Variants in FAAH2 observed in about 807,000 individuals in gnomAD.
The protein encoded by FAAH2 is fatty-acid amide hydrolase 2.
FAAH2 carries 60 observed loss-of-function variants against 36.9 expected under a neutral mutation model. The ratio of observed to expected loss-of-function variants is 1.63; its 90% CI spans 1.32 to 2.02. The LOEUF is 2.02. FAAH2 is among the 30% of genes most tolerant of loss of function. The pLI, the probability that FAAH2 is intolerant of heterozygous loss-of-function variation, is 0.00. For synonymous variants in FAAH2, 214 were observed against 143.8 expected (o/e 1.49, Z -3.49); for missense variants, 689 against 397.5 (o/e 1.73, Z -6.23).
the FAAH2 span, among the ~76,000 whole-genome samples, chrX:57,233,403 A>G: frequency 1.8e-5 from 2 of 111,849 alleles, no homozygotes; most frequent in East Asian, 5.6e-4. Context: ...TGAAAAACTG[A>G]ATTTATAGCT....
chrX:57,336,963 C>A (rs1275327074), intron 4 of FAAH2, among the ~76,000 whole-genome samples: 1 of 4,252 alleles, frequency 2.4e-4, no homozygotes, highest in Non-Finnish European at 6.3e-4. Context: ...AGGAGCTATT[C>A]TTTTGAAAAA....
At chrX:57,365,378 T>C (rs1377993377) in intron 5 of FAAH2, among the ~76,000 whole-genome samples, 1 of 112,210 alleles carries the variant, frequency 8.9e-6, no homozygotes, top group Non-Finnish European at 1.9e-5. Flanking sequence ...ATGCTGATTA[T>C]AGGCCTCCAC....
At chrX:57,135,515 A>G in the FAAH2 span, 9 of 342,887 alleles carry the variant, frequency 2.6e-5, no homozygotes, top group South Asian at 3.7e-4. Context: ...ATCCAGTGCC[A>G]TTTTTAAATG....
At chrX:57,424,907 C>T (rs754187691) in intron 7 of FAAH2, among the ~76,000 whole-genome samples, 7 of 110,450 alleles carry the variant, frequency 6.3e-5, no homozygotes, top group South Asian at 3.8e-4. Flanking sequence ...TGAAATACCA[C>T]GTAAAGAATT....
chrX:57,483,394 C>A (rs776581449), intron 10 of FAAH2, among the ~76,000 whole-genome samples: 1 of 110,319 alleles, frequency 9.1e-6, no homozygotes, highest in East Asian at 2.9e-4. Context: ...ATATATTTAT[C>A]TCTTCCTTCA....
chrX:57,249,475 C>T, the FAAH2 span, among the ~76,000 whole-genome samples: 1 of 112,007 alleles, frequency 8.9e-6, no homozygotes, highest in East Asian at 2.8e-4. Context: ...GGCCCCAGAC[C>T]CTAGTTAAAG....
At chrX:57,286,649 A>T, upstream of FAAH2, 2 of 403,092 alleles carry the variant, frequency 5.0e-6, no homozygotes, top group Non-Finnish European at 7.9e-6. Context: ...CTCCGCCCCC[A>T]TCTCTGGCTA....
intron 5 of FAAH2, among the ~76,000 whole-genome samples, chrX:57,356,764 T>G (rs900792538): frequency 1.8e-5 from 2 of 110,771 alleles, no homozygotes; most frequent in African/African-American, 6.5e-5. Context: ...TATTTATCAC[T>G]GCTTTAATTT....
the FAAH2 span, among the ~76,000 whole-genome samples, chrX:57,129,122 A>G: frequency 9.8e-5 from 11 of 111,981 alleles, no homozygotes; most frequent in Non-Finnish European, 1.7e-4. Flanking sequence ...TATAGTGAAA[A>G]CAGAGACCAT....
intron 5 of FAAH2, among the ~76,000 whole-genome samples, chrX:57,358,016 A>C (rs2054200738): frequency 9.0e-6 from 1 of 111,043 alleles, no homozygotes; most frequent in Non-Finnish European, 1.9e-5. Context: ...TAAAAAAAGG[A>C]TACGTTTATG....
At chrX:57,242,134 G>A in the FAAH2 span, among the ~76,000 whole-genome samples, 14 of 112,586 alleles carry the variant, frequency 1.2e-4, no homozygotes, top group East Asian at 4.0e-3. Context: ...CCTTAAGTGG[G>A]TCCCTGACCC....
intron 7 of FAAH2, chrX:57,393,156 C>T: frequency 8.9e-7 from 1 of 1,118,440 alleles, no homozygotes; most frequent in Non-Finnish European, 1.2e-6. Flanking sequence ...AGCTCAGTCT[C>T]TGTATCTGTC....
intron 7 of FAAH2, chrX:57,394,938 C>T: frequency 1.6e-6 from 1 of 618,658 alleles, no homozygotes; most frequent in Non-Finnish European, 2.8e-6. Flanking sequence ...GCAATCTGCA[C>T]CCCTGTCTCT....
the FAAH2 span, among the ~76,000 whole-genome samples, chrX:57,253,545 A>T: frequency 8.9e-6 from 1 of 112,027 alleles, no homozygotes; most frequent in Admixed American, 9.5e-5. Flanking sequence ...CGCAAAAGGA[A>T]GCCCATCAAA....
chrX:57,364,590 T>C (rs928405004), intron 5 of FAAH2, among the ~76,000 whole-genome samples: 4 of 109,514 alleles, frequency 3.7e-5, no homozygotes, highest in Non-Finnish European at 7.6e-5. Context: ...TATTTCTTTT[T>C]AAATAGTAAC....
chrX:57,209,232 T>C, the FAAH2 span, among the ~76,000 whole-genome samples: 2,872 of 111,752 alleles, frequency 0.026, 84 homozygotes, highest in African/African-American at 0.089. Context: ...CTTCCACTTT[T>C]ATCAAGGGGA....
rs1341148622 is a variant in FAAH2 at position 57,488,643 on chromosome X, G to A, written c.1424-114G>A. 10 of 729,885 alleles carry A rather than the reference G, an allele frequency of 1.4e-5. No homozygotes were observed. The East Asian group carries it at 2.1e-4, about 16-fold the overall frequency. 60.2% of individuals were successfully genotyped at this position (729,885 alleles called of 1,213,427 possible). On this transcript the variant is annotated intron_variant, in intron 10 of 10. Coordinates refer to ENST00000374900, the MANE Select transcript of FAAH2 (RefSeq NM_174912.4). ...CCTAAATATTATTAAGTCCTAAGTA[G>A]ATAGTAAATTATAATTATATATTTT... is the stretch of plus-strand genomic sequence containing the variant.
chrX:57,177,829 G>A, the FAAH2 span, among the ~76,000 whole-genome samples: 1 of 108,795 alleles, frequency 9.2e-6, no homozygotes, highest in Non-Finnish European at 1.9e-5. Context: ...ACTGAGCCTA[G>A]CAGTGCAACT....
the FAAH2 span, among the ~76,000 whole-genome samples, chrX:57,197,369 G>A: frequency 4.5e-5 from 5 of 110,955 alleles, no homozygotes; most frequent in African/African-American, 6.6e-5. Context: ...TCTTTCTCGG[G>A]CAATTCAGAG....
Sources: gnomAD v4.1 joint callset for allele counts (sites outside exome capture counted in the v4.1 genomes callset) on GRCh38, gnomAD v4.1.1 for gene constraint, MANE v1.5 for transcripts, NCBI Gene and HGNC (gene_info 2026-07-23, HGNC 2026-07-21) for gene names.